PTER: variants seen among roughly 807,000 people sequenced by gnomAD.
PTER encodes phosphotriesterase related.
Under a neutral mutation model 29.6 loss-of-function variants are expected in PTER, and 38 were observed. The observed-to-expected ratio is 1.28, with a 90% CI of 0.99 to 1.68. The LOEUF (loss-of-function observed/expected upper bound fraction) is 1.68, where lower values mean the gene tolerates loss of function less well. Among genes scored for constraint, PTER ranks in the 40% most tolerant of loss-of-function variants. PTER has a pLI of 0.00. For missense variants in PTER, 482 were observed against 427.8 expected (o/e 1.13, Z -1.12); for synonymous variants, 172 against 154.5 (o/e 1.11, Z -0.84).
In PTER at chr10:16,511,097, T is replaced by C. The variant is rs1162186171; in HGVS notation, c.891T>C (p.His297=). The change falls in exon 5 of 5, where the codon CAT becomes CAC. Residue 297 remains histidine, a synonymous_variant. Coordinates refer to ENST00000535784, the MANE Select transcript of PTER (RefSeq NM_001261836.2). ...GTGAAGATCGAATTCTGGTAGCACA[T>C]GACATACATACGAAAACCCGGCTGA... ...EGCEDRILVA[H]DIHTKTRLMK... The C allele has an allele frequency of 6.2e-7, 1 of 1,613,980 alleles. No individual in the cohort carries two copies. Among genetic ancestry groups the C allele is most frequent in the East Asian group, 2.2e-5 (1 of 44,890 alleles).
chr10:16,447,351 G>T (rs960113762), intron 1 of PTER, among the ~76,000 whole-genome samples: 1 of 151,514 alleles, frequency 6.6e-6, no homozygotes, highest in South Asian at 2.1e-4. Flanking sequence ...TCCTCCAGCC[G>T]CAACCTCCCA....
In PTER at chr10:16,486,392, A is replaced by G; in HGVS notation, c.473A>G (p.Asp158Gly). 6.2e-7 allele frequency: 1 copy of G among 1,613,994 alleles called. No homozygotes were observed. Among genetic ancestry groups the G allele is most frequent in the South Asian group, 1.1e-5 (1 of 91,062 alleles). Residue 158 changes from aspartate to glycine, a missense_variant, in exon 3 of 5, where the codon GAT becomes GGT. Asp to Gly is a moderately conservative substitution (Grantham distance 94). Transcript: ENST00000535784. ...ATGAATGAAATTCTCCATGGAGCTG[A>G]TGGAACCAGTATCAAGTGTGGCATT... The part of the protein sequence containing the change: ...VLMNEILHGA[D>G]GTSIKCGIIG...
intron 1 of PTER, among the ~76,000 whole-genome samples, chr10:16,455,809 C>T (rs1044327338): frequency 6.6e-6 from 1 of 152,198 alleles, no homozygotes; most frequent in Non-Finnish European, 1.5e-5. Flanking sequence ...AAAATAATTT[C>T]AAAGGAAGGA....
intron 1 of PTER, among the ~76,000 whole-genome samples, chr10:16,442,139 T>C (rs1013317624): frequency 2.6e-5 from 4 of 152,238 alleles, no homozygotes; most frequent in African/African-American, 7.2e-5. Context: ...TGAAAGCCCA[T>C]TGCGACCACA....
At chr10:16,509,346 A>G (rs1288611200) in intron 4 of PTER, among the ~76,000 whole-genome samples, 1 of 152,162 alleles carries the variant, frequency 6.6e-6, no homozygotes, top group Non-Finnish European at 1.5e-5. Context: ...TCCCGGTTTT[A>G]AGTATGAGTA....
At chr10:16,456,859 A>AGGCCGG (rs775837340) in intron 1 of PTER, among the ~76,000 whole-genome samples, 1 of 56,134 alleles carries the variant, frequency 1.8e-5, no homozygotes, top group African/African-American at 1.1e-4. Context: ...ACCATGGGGA[A>AGGCCGG]GGTGGGGGGG....
chr10:16,464,444 G>C (rs1488133179), intron 1 of PTER, among the ~76,000 whole-genome samples: 1 of 152,168 alleles, frequency 6.6e-6, no homozygotes, highest in African/African-American at 2.4e-5. Flanking sequence ...GTAAGTTGGA[G>C]CAGGGGGGAA....
rs1437605463 is a variant in PTER, at chr10:16,502,979, ACT to A, written c.699-2038_699-2037del. 5.2e-5 allele frequency among the ~76,000 whole-genome samples: 6 copies of A among 114,376 alleles called. No homozygotes were observed. The South Asian group carries it at 1.5e-3, about 29-fold the overall frequency. 75.0% of individuals were successfully genotyped at this position (114,376 alleles called of 152,430 possible). A position where few individuals can be genotyped will look rare whatever the true frequency, so the allele number is the denominator to read the frequency against. On this transcript the variant is annotated intron_variant, in intron 3 of 4. Transcript: ENST00000535784. ...ACTCCAGCCTGGGCGACAGAGGGAG[ACT>A]CTGTCTCAAAAAAAAAAAAAAAAAA...
intron 4 of PTER, among the ~76,000 whole-genome samples, chr10:16,507,632 T>C (rs1184064225): frequency 6.6e-6 from 1 of 152,200 alleles, no homozygotes; most frequent in Non-Finnish European, 1.5e-5. Context: ...TCTGCCTTGA[T>C]CACCTCATTA....
At chr10:16,440,761 G>T (rs1588577542) in intron 1 of PTER, among the ~76,000 whole-genome samples, 1 of 152,364 alleles carries the variant, frequency 6.6e-6, no homozygotes, top group East Asian at 1.9e-4. Context: ...AGTGAGCGGA[G>T]CCCCCTGCCT....
At position 16,513,691 on chromosome 10, in the gene PTER, A is replaced by G. The variant is rs1428262329; in HGVS notation, c.*2435A>G. 3 of 152,550 alleles carry G rather than the reference A, an allele frequency of 2.0e-5. No individual in the cohort carries two copies. The highest frequency in any genetic ancestry group is 7.2e-5 in the African/African-American group (3 of 41,436). The allele number at this position is 152,550 out of a possible 1,614,324, so 9.4% of individuals were successfully genotyped here. ...TAATCTTTTCTTCCAAAGATGGCAA[A>G]AGCCTCGGTTTGATTTGATACTAAA... On this transcript the variant is annotated 3_prime_UTR_variant, in exon 5 of 5. Coordinates refer to ENST00000535784, the MANE Select transcript of PTER (RefSeq NM_001261836.2).
chr10:16,463,394 A>G (rs1028570700), intron 1 of PTER, among the ~76,000 whole-genome samples: 6 of 152,026 alleles, frequency 3.9e-5, no homozygotes, highest in African/African-American at 1.2e-4. Context: ...TATAAGAAAC[A>G]GGTGATGCAT....
rs1445316542 is a variant in PTER at position 16,511,220 on chromosome 10, A to C, written c.1014A>C (p.Leu338=). 2 of 1,614,132 alleles carry C rather than the reference A, an allele frequency of 1.2e-6. No individual in the cohort carries two copies. Among genetic ancestry groups the C allele is most frequent in the South Asian group, 1.1e-5 (1 of 91,080 alleles). Residue 338 remains leucine (L), a synonymous_variant, in exon 5 of 5, where the codon CTA becomes CTC. Transcript: ENST00000535784. ...CTGAGAATGTGCTTGATAAGATTCT[A>C]ATAGAGAACCCTAAGCAATGGCTAA... ...GITENVLDKI[L]IENPKQWLTF...
intron 1 of PTER, among the ~76,000 whole-genome samples, chr10:16,477,832 TTAAAAG>T (rs1465702246): frequency 2.0e-5 from 3 of 152,204 alleles, no homozygotes; most frequent in Non-Finnish European, 4.4e-5. Flanking sequence ...TTGCCAGGAC[TTAAAAG>T]TAATACAAAT....
chr10:16,503,491 G>A (rs577505828), intron 3 of PTER, among the ~76,000 whole-genome samples: 6 of 152,016 alleles, frequency 3.9e-5, no homozygotes, highest in South Asian at 2.1e-4. Flanking sequence ...TGCAACCTCC[G>A]TCTCCCAGGT....
intron 3 of PTER, among the ~76,000 whole-genome samples, chr10:16,502,537 TAA>T (rs1836391455): frequency 6.6e-6 from 1 of 152,102 alleles, no homozygotes; most frequent in Non-Finnish European, 1.5e-5. Context: ...TCGTGAACTC[TAA>T]GTTATGCTAA....
In PTER at chr10:16,484,552, T is replaced by C; in HGVS notation, c.168T>C (p.Asn56=). 1 of 1,613,898 alleles carries C rather than the reference T, an allele frequency of 6.2e-7. No individual in the cohort carries two copies. The highest frequency in any genetic ancestry group is 8.5e-7 in the Non-Finnish European group (1 of 1,179,976). The change falls in exon 2 of 5, where the codon AAT becomes AAC. Residue 56 remains asparagine, a synonymous_variant. Coordinates refer to ENST00000535784, the MANE Select transcript of PTER (RefSeq NM_001261836.2). The stretch of plus-strand genomic sequence containing the variant: ...CCAAAGAACCTATCGTGATGAAAAA[T>C]TTATATTGGATTCAGAAAAACGCCT... ...AISKEPIVMK[N]LYWIQKNAYS...
At chr10:16,474,013 C>T (rs919280243) in intron 1 of PTER, among the ~76,000 whole-genome samples, 2 of 152,110 alleles carry the variant, frequency 1.3e-5, no homozygotes, top group South Asian at 2.1e-4. Flanking sequence ...GTCAGGAGTT[C>T]GAGACCAGCC....
chr10:16,447,548 A>G (rs1341208762), intron 1 of PTER, among the ~76,000 whole-genome samples: 1 of 152,212 alleles, frequency 6.6e-6, no homozygotes, highest in Admixed American at 6.5e-5. Context: ...ACTATATAAC[A>G]TAACAATTTC....
Sources: gnomAD v4.1 joint callset for allele counts (sites outside exome capture counted in the v4.1 genomes callset) on GRCh38, gnomAD v4.1.1 for gene constraint, MANE v1.5 for transcripts, NCBI Gene and HGNC (gene_info 2026-07-23, HGNC 2026-07-21) for gene names.